The following SRFBP1 variants were observed in gnomAD, a reference collection of about 807,000 sequenced individuals.
The protein encoded by SRFBP1 is serum response factor binding protein 1, also known as serum response factor-binding protein 1.
Under a neutral mutation model 45.5 loss-of-function variants are expected in SRFBP1, and 47 were observed. That is an observed-to-expected ratio of 1.03 (90% CI 0.82 to 1.32). SRFBP1 has a LOEUF of 1.32. Among genes scored for constraint, SRFBP1 ranks in the 40% most tolerant of loss-of-function variants. SRFBP1 has a pLI of 0.00. For synonymous variants in SRFBP1, 203 were observed against 166.3 expected (o/e 1.22, Z -1.70); for missense variants, 621 against 484.6 (o/e 1.28, Z -2.64).
intron 1 of SRFBP1, among the ~76,000 whole-genome samples, chr5:121,963,106 A>G (rs544576934): frequency 6.6e-6 from 1 of 152,196 alleles, no homozygotes; most frequent in South Asian, 2.1e-4. Flanking sequence ...AGGAAAGGGG[A>G]AGAAGTCATT....
intron 3 of SRFBP1, among the ~76,000 whole-genome samples, chr5:121,980,416 G>C (rs1403720449): frequency 6.6e-6 from 1 of 152,126 alleles, no homozygotes; most frequent in Non-Finnish European, 1.5e-5. Flanking sequence ...ATGATACTGT[G>C]AGACTATGTG....
chr5:122,075,427 G>C lies in SRFBP1; in HGVS notation n.424G>C, dbSNP rs377662846. 2.0e-5 allele frequency: 33 copies of C among 1,613,314 alleles called. No individual in the cohort carries two copies. The African/African-American group carries it at 4.4e-4, about 22-fold the overall frequency. On this transcript the variant is annotated non_coding_transcript_exon_variant, in exon 3 of 3. Coordinates refer to the SRFBP1 transcript ENST00000504881. ...ACTGATGACAACTGTGCCATTCCCAGGAATATCTTGGTCGGCTGGGTAAGA... is the reference window on the plus strand; with the variant it reads ...ACTGATGACAACTGTGCCATTCCCACGAATATCTTGGTCGGCTGGGTAAGA...
chr5:122,065,143 G>T (rs1754266329), intron 2 of SRFBP1: 1 of 151,984 alleles, frequency 6.6e-6, no homozygotes, highest in South Asian at 2.1e-4. Flanking sequence ...CTTGTGCCCT[G>T]GTGGCTAAGG....
Position 121,994,675 on chromosome 5 carries a change from A to G in SRFBP1, c.270+5A>G, listed in dbSNP as rs756742128. ...TTTGAAAAAATCTTCAAAAAGGTAT[A>G]TCTGCAATAGATTATATTTGTCTTA... is the stretch of plus-strand genomic sequence containing the variant. On this transcript the variant is annotated splice_donor_5th_base_variant and intron_variant, in intron 4 of 7. Transcript: ENST00000339397. 1 of 1,553,132 alleles carries G rather than the reference A, an allele frequency of 6.4e-7. No homozygotes were observed. The highest frequency in any genetic ancestry group is 1.4e-5 in the African/African-American group (1 of 72,894).
chr5:122,022,825 T>G (rs933469218), intron 7 of SRFBP1, among the ~76,000 whole-genome samples: 2 of 152,212 alleles, frequency 1.3e-5, no homozygotes, highest in Non-Finnish European at 2.9e-5. Context: ...CTAAGTTTCA[T>G]GTATTTGGGT....
chr5:121,963,457 G>A (rs1267490657), intron 1 of SRFBP1, among the ~76,000 whole-genome samples: 1 of 152,142 alleles, frequency 6.6e-6, no homozygotes, highest in Non-Finnish European at 1.5e-5. Flanking sequence ...ACCCCAGGGA[G>A]CTTCATATCA....
intron 4 of SRFBP1, among the ~76,000 whole-genome samples, chr5:122,012,089 G>A (rs1014500720): frequency 6.6e-6 from 1 of 152,076 alleles, no homozygotes; most frequent in South Asian, 2.1e-4. Flanking sequence ...TCAGAAAACA[G>A]ATTTTGAGTT....
chr5:121,988,478 T>C (rs940369247), intron 3 of SRFBP1, among the ~76,000 whole-genome samples: 10 of 152,084 alleles, frequency 6.6e-5, no homozygotes, highest in South Asian at 2.1e-4. Context: ...CAGGAAAAAA[T>C]AGGCATAATT....
chr5:121,999,152 C>G (rs1752801266), intron 4 of SRFBP1, among the ~76,000 whole-genome samples: 1 of 152,100 alleles, frequency 6.6e-6, no homozygotes, highest in South Asian at 2.1e-4. Context: ...TTAGCTGCAT[C>G]TCATAAATTT....
downstream of SRFBP1, among the ~76,000 whole-genome samples, chr5:122,030,346 G>C (rs1753568976): frequency 6.6e-6 from 1 of 152,150 alleles, no homozygotes. Flanking sequence ...CTGCTTCCCA[G>C]ATTCATGGTA....
intron 3 of SRFBP1, among the ~76,000 whole-genome samples, chr5:121,977,216 C>T (rs553813587): frequency 2.6e-5 from 4 of 151,996 alleles, no homozygotes; most frequent in South Asian, 4.2e-4. Context: ...CCTGTGATTG[C>T]GCAATGGAAT....
At chr5:122,077,225 C>T (rs1405235438), downstream of SRFBP1, 3 of 1,500,004 alleles carry the variant, frequency 2.0e-6, no homozygotes, top group Non-Finnish European at 2.7e-6. This position sits in a 1 kb window ranked among gnomAD's most constrained non-coding sequence, Gnocchi z 4.9. Flanking sequence ...AGGGCTGCCA[C>T]TGCAGGCGCG....
At chr5:122,014,919 G>A (rs947480293) in intron 4 of SRFBP1, among the ~76,000 whole-genome samples, 3 of 152,186 alleles carry the variant, frequency 2.0e-5, no homozygotes, top group Admixed American at 2.0e-4. Context: ...GGAAACAGCA[G>A]TAGATGTGTT....
chr5:122,071,751 T>C (rs1245269084), intron 2 of SRFBP1, among the ~76,000 whole-genome samples: 1 of 152,186 alleles, frequency 6.6e-6, no homozygotes, highest in Non-Finnish European at 1.5e-5. Flanking sequence ...TAGCAACCAA[T>C]ATTGCTTTGC....
At chr5:121,983,629 A>G (rs990041359) in intron 3 of SRFBP1, among the ~76,000 whole-genome samples, 2 of 151,798 alleles carry the variant, frequency 1.3e-5, no homozygotes, top group African/African-American at 2.4e-5. Flanking sequence ...CAAGTTTTTT[A>G]AGCTTTTGTT....
intron 3 of SRFBP1, among the ~76,000 whole-genome samples, chr5:121,983,865 A>G (rs969492530): frequency 2.6e-5 from 4 of 151,646 alleles, no homozygotes; most frequent in African/African-American, 9.7e-5. Flanking sequence ...GTTTTATTTT[A>G]TTGTTCTCCT....
downstream of SRFBP1, among the ~76,000 whole-genome samples, chr5:122,031,276 G>A (rs571574074): frequency 1.3e-5 from 2 of 152,294 alleles, no homozygotes; most frequent in South Asian, 4.1e-4. Flanking sequence ...AAAACCTGGT[G>A]AGGAAAGGGA....
intron 4 of SRFBP1, among the ~76,000 whole-genome samples, chr5:121,995,674 C>G (rs373902134): frequency 3.6e-4 from 55 of 151,904 alleles, no homozygotes; most frequent in South Asian, 3.1e-3. Context: ...GAGCAGAACT[C>G]AAGGAAATAG....
At chr5:122,048,584 C>T (rs565965600) in intron 2 of SRFBP1, among the ~76,000 whole-genome samples, 83 of 152,288 alleles carry the variant, frequency 5.5e-4, no homozygotes, top group Non-Finnish European at 1.0e-3. Flanking sequence ...AGGATTCCCT[C>T]TTTTTCTATT....
Sources: allele counts gnomAD v4.1 joint callset (sites outside exome capture counted in the v4.1 genomes callset), GRCh38; gene constraint gnomAD v4.1.1; non-coding constraint Gnocchi (gnomAD v3.1); transcripts MANE v1.5; gene names NCBI Gene and HGNC (gene_info 2026-07-23, HGNC 2026-07-21).